Variants in ZNF469 observed in about 807,000 individuals in gnomAD.
ZNF469 encodes the protein zinc finger protein 469.
ZNF469 carries 1 observed loss-of-function variant against 1.0 expected under a neutral mutation model. The observed-to-expected ratio is 1.00, with a 90% CI of 0.35 to 4.73. The LOEUF (loss-of-function observed/expected upper bound fraction) is 4.73. Among genes scored for constraint, ZNF469 ranks in the 30% most tolerant of loss-of-function variants. The pLI is 0.16. For synonymous variants in ZNF469, 2,703 were observed against 2,363.4 expected (o/e 1.14, Z -4.17); for missense variants, 6,100 against 5,356.3 (o/e 1.14, Z -4.33).
the ZNF469 span, among the ~76,000 whole-genome samples, chr16:88,297,186 C>T: frequency 1.3e-5 from 2 of 152,316 alleles, no homozygotes; most frequent in South Asian, 2.1e-4. Context: ...AGCTCAGAGG[C>T]GGCTCAGTGG....
In ZNF469 at chr16:88,423,294, G is replaced by C. The variant is rs57749289; in HGVS notation, c.-191-1513G>C. Among the ~76,000 whole-genome samples the C allele has an allele frequency of 8.4e-3, 1,177 of 140,270 alleles. 12 individuals carry two copies. The highest frequency in any genetic ancestry group is 0.03 in the African/African-American group (1,127 of 38,024). 92.0% of individuals were successfully genotyped at this position (140,270 alleles called of 152,430 possible). A position where few individuals can be genotyped will look rare whatever the true frequency, so the allele number is the denominator to read the frequency against. Reference sequence around the variant, plus strand: ...GGGTGGGTAGATGGATGGATGGATAGGTGGGTGGATGGATGGATACATGAA... The same window carrying C: ...GGGTGGGTAGATGGATGGATGGATACGTGGGTGGATGGATGGATACATGAA... On this transcript the variant is annotated intron_variant, in intron 1 of 2. Transcript: ENST00000565624.
the ZNF469 span, among the ~76,000 whole-genome samples, chr16:88,149,295 G>A: frequency 6.6e-6 from 1 of 152,250 alleles, no homozygotes; most frequent in Admixed American, 6.5e-5. Context: ...GCCTTCACTC[G>A]GCCAGAGATA....
At chr16:88,324,000 A>T in the ZNF469 span, among the ~76,000 whole-genome samples, 1 of 152,322 alleles carries the variant, frequency 6.6e-6, no homozygotes, top group Non-Finnish European at 1.5e-5. Flanking sequence ...TTGCTCACAA[A>T]TCAATGGTTG....
chr16:88,202,504 C>T, the ZNF469 span, among the ~76,000 whole-genome samples: 4 of 152,192 alleles, frequency 2.6e-5, no homozygotes, highest in Admixed American at 1.3e-4. Context: ...GAGGTGTCTG[C>T]GGCACCTGTC....
At chr16:88,364,797 C>T in the ZNF469 span, among the ~76,000 whole-genome samples, 1 of 84 alleles carries the variant, frequency 0.012, no homozygotes, top group Non-Finnish European at 0.026. Context: ...AACCCCATCT[C>T]TACTAAAAAA....
In ZNF469 at chr16:88,430,587, G is replaced by T. The variant is rs759380807; in HGVS notation, c.3117G>T (p.Arg1039Ser). Residue 1039 changes from arginine to serine, a missense_variant, in exon 3 of 3, where the codon AGG becomes AGT. Transcript: ENST00000565624. The stretch of plus-strand genomic sequence containing the variant: ...CCCCCAGGAAGGACCCCAGGAAGAG[G>T]AAGGCTCGGGGCGGCGCCTGGGGCA... ...RLPPRKDPRK[R>S]KARGGAWGKE... 5.4e-5 allele frequency: 81 copies of T among 1,501,630 alleles called. No homozygotes were observed. The African/African-American group carries it at 1.1e-3, about 21-fold the overall frequency. The allele number at this position is 1,501,630 out of a possible 1,614,324, so 93.0% of individuals were successfully genotyped here. A position where few individuals can be genotyped will look rare whatever the true frequency, so the allele number is the denominator to read the frequency against.
rs147341563 is a variant in ZNF469, at chr16:88,400,065, G to A, written c.-192+16811G>A. ...GGGCCGGCTGAAGTGTGGCAGGGAC[G>A]TGGGGTGAAGGGAGGCAGTGTCCGG... On this transcript the variant is annotated intron_variant, in intron 1 of 2. Transcript: ENST00000565624. 1.8e-3 allele frequency among the ~76,000 whole-genome samples: 268 copies of A among 152,364 alleles called. 1 individual carries two copies. The highest frequency in any genetic ancestry group is 4.4e-3 in the African/African-American group (183 of 41,586).
At chr16:88,365,215 G>A in the ZNF469 span, among the ~76,000 whole-genome samples, 1 of 152,206 alleles carries the variant, frequency 6.6e-6, no homozygotes, top group African/African-American at 2.4e-5. Flanking sequence ...CAGGATGGAA[G>A]CTAGGCCTGT....
At chr16:88,355,666 A>G in the ZNF469 span, among the ~76,000 whole-genome samples, 1 of 152,172 alleles carries the variant, frequency 6.6e-6, no homozygotes, top group Non-Finnish European at 1.5e-5. Context: ...GACCCGCAGG[A>G]AGCCCAGGCA....
chr16:88,368,675 A>G, the ZNF469 span, among the ~76,000 whole-genome samples: 2 of 151,692 alleles, frequency 1.3e-5, no homozygotes, highest in Non-Finnish European at 2.9e-5. Flanking sequence ...CTGGGAGACC[A>G]TGGCCCTGGG....
At chr16:88,359,388 C>T in the ZNF469 span, among the ~76,000 whole-genome samples, 3 of 151,954 alleles carry the variant, frequency 2.0e-5, no homozygotes, top group African/African-American at 4.8e-5. Flanking sequence ...CTATTGTCTG[C>T]TTCTGAGTGT....
At chr16:88,286,698 G>A in the ZNF469 span, among the ~76,000 whole-genome samples, 1 of 152,268 alleles carries the variant, frequency 6.6e-6, no homozygotes, top group South Asian at 2.1e-4. Context: ...ATGACTGACA[G>A]GTGAGCTGCT....
chr16:88,188,377 C>T, the ZNF469 span, among the ~76,000 whole-genome samples: 9 of 152,280 alleles, frequency 5.9e-5, no homozygotes, highest in African/African-American at 9.6e-5. Flanking sequence ...CCTGGGGTGT[C>T]GTACTGTCAT....
chr16:88,252,094 C>T, the ZNF469 span, among the ~76,000 whole-genome samples: 1 of 146,724 alleles, frequency 6.8e-6, no homozygotes, highest in African/African-American at 2.5e-5. Flanking sequence ...GTGTCTGCCT[C>T]TTGAGCTGCA....
chr16:88,355,615 A>G, the ZNF469 span, among the ~76,000 whole-genome samples: 30 of 152,314 alleles, frequency 2.0e-4, no homozygotes, highest in East Asian at 4.4e-3. Flanking sequence ...CTGTGAGTCC[A>G]CAGGCAGCAG....
the ZNF469 span, among the ~76,000 whole-genome samples, chr16:88,166,738 G>A: frequency 1.2e-3 from 181 of 150,976 alleles, 1 homozygote; most frequent in Admixed American, 2.5e-3. This position sits in a 1 kb window ranked among gnomAD's most constrained non-coding sequence, Gnocchi z 4.5. Flanking sequence ...TTCCTACTCC[G>A]TGGATCAGGG....
At chr16:88,323,495 CCCTGGCGAAAT>C in the ZNF469 span, among the ~76,000 whole-genome samples, 4 of 152,236 alleles carry the variant, frequency 2.6e-5, no homozygotes, top group Admixed American at 2.6e-4. Context: ...CCAGGACAGG[CCCTGGCGAAAT>C]CTCTGTGGGG....
the ZNF469 span, among the ~76,000 whole-genome samples, chr16:88,182,902 C>G: frequency 1.3e-5 from 2 of 152,080 alleles, no homozygotes; most frequent in African/African-American, 2.4e-5. Context: ...GAACTTTATC[C>G]AAATCAAAAG....
chr16:88,209,377 G>A, the ZNF469 span, among the ~76,000 whole-genome samples: 2 of 151,704 alleles, frequency 1.3e-5, no homozygotes, highest in African/African-American at 2.4e-5. Context: ...TGCAAGCTCA[G>A]CCTCCCAGGT....
Sources: allele counts gnomAD v4.1 joint callset (sites outside exome capture counted in the v4.1 genomes callset), GRCh38; gene constraint gnomAD v4.1.1; non-coding constraint Gnocchi (gnomAD v3.1); transcripts MANE v1.5; gene names NCBI Gene and HGNC (gene_info 2026-07-23, HGNC 2026-07-21).